PAPPA2: variants seen among roughly 807,000 people sequenced by gnomAD.
PAPPA2 encodes the protein pappalysin-2.
A neutral mutation model predicts 176.4 loss-of-function variants in PAPPA2; 86 were observed. The ratio of observed to expected loss-of-function variants is 0.49; its 90% CI spans 0.41 to 0.58. The LOEUF (loss-of-function observed/expected upper bound fraction) is 0.58, where lower values mean the gene tolerates loss of function less well. Ranked by LOEUF, PAPPA2 falls within the 20% of genes least tolerant of loss-of-function variation. PAPPA2 has a pLI of 0.00. For missense variants in PAPPA2, 2,073 were observed against 2,256.9 expected (o/e 0.92, Z 1.65); for synonymous variants, 809 against 852.2 (o/e 0.95, Z 0.88).
At position 176,488,756 on chromosome 1, in the gene PAPPA2, G is replaced by T. The variant is rs145581285; in HGVS notation, c.-917+25338G>T. ...TTAGTGTATATTGGTGAAAGAAGAC[G>T]CAAAGGTTTGGTTCCTCTCTCCCCC... On this transcript the variant is annotated intron_variant, in intron 1 of 22. Coordinates refer to ENST00000367662, the MANE Select transcript of PAPPA2 (RefSeq NM_020318.3). Among the ~76,000 whole-genome samples, 108 of 152,184 alleles carry T rather than the reference G, an allele frequency of 7.1e-4. No homozygotes were observed. The Middle Eastern group carries it at 0.01, about 14-fold the overall frequency.
chr1:176,636,638 G>T (rs993981335), intron 3 of PAPPA2, among the ~76,000 whole-genome samples: 5 of 152,018 alleles, frequency 3.3e-5, no homozygotes, highest in African/African-American at 1.2e-4. Flanking sequence ...GTATTGTACA[G>T]CAGATTCATC....
chr1:176,609,832 G>C (rs765351619), intron 3 of PAPPA2, among the ~76,000 whole-genome samples: 3 of 152,190 alleles, frequency 2.0e-5, no homozygotes, highest in Non-Finnish European at 4.4e-5. Context: ...AATGCTTGTT[G>C]AAAGTGCCTT....
intron 10 of PAPPA2, among the ~76,000 whole-genome samples, chr1:176,709,436 CA>C (rs1661039301): frequency 6.6e-6 from 1 of 150,394 alleles, no homozygotes; most frequent in Non-Finnish European, 1.5e-5. Flanking sequence ...ATGTAAGCCT[CA>C]AAAGCCTGGA....
intron 17 of PAPPA2, among the ~76,000 whole-genome samples, chr1:176,785,882 A>G (rs918558802): frequency 6.6e-6 from 1 of 152,198 alleles, no homozygotes; most frequent in African/African-American, 2.4e-5. Flanking sequence ...AAGTATTCCA[A>G]CCAATTCAGA....
At chr1:176,828,529 A>G (rs1666946332) in intron 21 of PAPPA2, among the ~76,000 whole-genome samples, 1 of 151,428 alleles carries the variant, frequency 6.6e-6, no homozygotes. Context: ...AGTATAATAC[A>G]TATGAGAAAG....
chr1:176,796,634 CTTTCT>C (rs1665445872), intron 20 of PAPPA2, among the ~76,000 whole-genome samples: 10 of 116,518 alleles, frequency 8.6e-5, no homozygotes, highest in Middle Eastern at 8.2e-3. Flanking sequence ...CTTTCTTTTT[CTTTCT>C]TTTCTTTTCT....
chr1:176,475,069 G>T (rs1652050346), intron 1 of PAPPA2, among the ~76,000 whole-genome samples: 1 of 152,130 alleles, frequency 6.6e-6, no homozygotes, highest in Admixed American at 6.6e-5. Flanking sequence ...TGTTTTTTGT[G>T]TGTGTGTTTT....
chr1:176,487,718 G>A (rs1439156608), intron 1 of PAPPA2, among the ~76,000 whole-genome samples: 3 of 152,104 alleles, frequency 2.0e-5, no homozygotes, highest in Admixed American at 6.5e-5. Context: ...TAGAGGTTGA[G>A]GCCAAAGACA....
At chr1:176,650,992 C>T (rs1222580743) in intron 3 of PAPPA2, among the ~76,000 whole-genome samples, 1 of 151,584 alleles carries the variant, frequency 6.6e-6, no homozygotes, top group East Asian at 1.9e-4. Context: ...AAAGTGAAAA[C>T]TTTTTAAAAG....
At chr1:176,650,586 G>A (rs1657662776) in intron 3 of PAPPA2, among the ~76,000 whole-genome samples, 1 of 151,476 alleles carries the variant, frequency 6.6e-6, no homozygotes, top group African/African-American at 2.4e-5. Flanking sequence ...AGGCCCCAGT[G>A]TGTGATGTTC....
At chr1:176,527,284 G>A (rs1649551402) in intron 1 of PAPPA2, among the ~76,000 whole-genome samples, 1 of 152,242 alleles carries the variant, frequency 6.6e-6, no homozygotes, top group Admixed American at 6.5e-5. Flanking sequence ...AGGCTCTATA[G>A]TGAGGGCTTA....
chr1:176,670,926 C>A (rs1302894514), intron 3 of PAPPA2, 44 bp from the exon 4 acceptor site: 2 of 1,610,762 alleles, frequency 1.2e-6, no homozygotes, highest in Non-Finnish European at 1.7e-6. Flanking sequence ...TCTCTAAGTA[C>A]CAATTCTTTG....
At chr1:176,623,105 AT>A (rs748286355) in intron 3 of PAPPA2, among the ~76,000 whole-genome samples, 2 of 152,184 alleles carry the variant, frequency 1.3e-5, no homozygotes, top group Non-Finnish European at 2.9e-5. Flanking sequence ...AACACAGGAA[AT>A]TTGGAAAGAC....
intron 15 of PAPPA2, 39 bp from the exon 16 acceptor site, chr1:176,769,568 T>C: frequency 2.5e-6 from 4 of 1,594,182 alleles, no homozygotes; most frequent in Non-Finnish European, 3.4e-6. Flanking sequence ...GATACGCCTT[T>C]TAATGTGACT....
At chr1:176,467,398 T>C (rs1034941299) in intron 1 of PAPPA2, among the ~76,000 whole-genome samples, 5 of 152,224 alleles carry the variant, frequency 3.3e-5, no homozygotes, top group Admixed American at 2.0e-4. Context: ...GTTAGAAGTG[T>C]TGGCATGTTG....
chr1:176,507,432 C>T (rs1210565633), intron 1 of PAPPA2, among the ~76,000 whole-genome samples: 5 of 152,148 alleles, frequency 3.3e-5, no homozygotes, highest in Non-Finnish European at 5.9e-5. Context: ...AATCTCATTA[C>T]TGGGTATATA....
chr1:176,558,252 T>C (rs1452700634), intron 2 of PAPPA2, among the ~76,000 whole-genome samples: 1 of 152,156 alleles, frequency 6.6e-6, no homozygotes, highest in Non-Finnish European at 1.5e-5. Flanking sequence ...TGTTTTCCAG[T>C]CCCATTATAT....
intron 8 of PAPPA2, among the ~76,000 whole-genome samples, chr1:176,701,909 C>A (rs1660665631): frequency 6.6e-6 from 1 of 152,178 alleles, no homozygotes; most frequent in African/African-American, 2.4e-5. Flanking sequence ...TTCACCCTCA[C>A]CACACAATCA....
At chr1:176,787,985 G>A (rs1023243943) in intron 17 of PAPPA2, among the ~76,000 whole-genome samples, 16 of 152,012 alleles carry the variant, frequency 1.1e-4, no homozygotes, top group African/African-American at 2.7e-4. Context: ...ACTTGAACCC[G>A]GGAGGCAGAG....
Sources: allele counts gnomAD v4.1 joint callset (sites outside exome capture counted in the v4.1 genomes callset), GRCh38; gene constraint gnomAD v4.1.1; transcripts MANE v1.5; gene names NCBI Gene and HGNC (gene_info 2026-07-23, HGNC 2026-07-21).